PYGB: variants seen among roughly 807,000 people sequenced by gnomAD.
The protein encoded by PYGB is glycogen phosphorylase B.
A neutral mutation model predicts 94.3 loss-of-function variants in PYGB; 82 were observed. That is an observed-to-expected ratio of 0.87 (90% CI 0.73 to 1.04). The LOEUF (loss-of-function observed/expected upper bound fraction) is 1.04. Ranked by LOEUF, PYGB falls within the 50% of genes least tolerant of loss-of-function variation. PYGB has a pLI of 0.00. For synonymous variants in PYGB, 488 were observed against 479.1 expected (o/e 1.02, Z -0.24); for missense variants, 1,132 against 1,158.2 (o/e 0.98, Z 0.33).
Position 25,278,306 on chromosome 20 carries a change from C to G in PYGB, c.856-13C>G, listed in dbSNP as rs773709831. On this transcript the variant is annotated splice_polypyrimidine_tract_variant and intron_variant, in intron 7 of 19. Coordinates refer to ENST00000216962, the MANE Select transcript of PYGB (RefSeq NM_002862.4). ...CCCAGCCTGCACCCTCCAGCTTGCTCTGCTGTGTGCAGTTCTTTGAGGGGA... is the reference window on the plus strand; with the variant it reads ...CCCAGCCTGCACCCTCCAGCTTGCTGTGCTGTGTGCAGTTCTTTGAGGGGA... The G allele has an allele frequency of 7.1e-6, 9 of 1,263,272 alleles. 1 individual carries two copies. In the South Asian group the frequency reaches 1.2e-4, roughly 16 times the overall value. The allele number at this position is 1,263,272 out of a possible 1,614,324, so 78.3% of individuals were successfully genotyped here.
intron 1 of PYGB, among the ~76,000 whole-genome samples, chr20:25,254,470 G>C (rs2092897527): frequency 6.6e-6 from 1 of 152,116 alleles, no homozygotes; most frequent in Non-Finnish European, 1.5e-5. Context: ...ATGCAGAATG[G>C]CATTCTTAGG....
At chr20:25,262,036 C>T (rs1218684577) in intron 2 of PYGB, among the ~76,000 whole-genome samples, 2 of 152,128 alleles carry the variant, frequency 1.3e-5, no homozygotes, top group African/African-American at 4.8e-5. Context: ...GAGAATGGCA[C>T]CAAGTTGGAA....
At chr20:25,275,150 C>G (rs1053579187) in intron 5 of PYGB, among the ~76,000 whole-genome samples, 2 of 152,260 alleles carry the variant, frequency 1.3e-5, no homozygotes, top group Admixed American at 6.5e-5. Context: ...CTCGCTTGGC[C>G]TCCTGGCGCC....
At chr20:25,295,567 C>G in intron 18 of PYGB, 37 bp from the exon 19 acceptor site, 1 of 1,593,046 alleles carries the variant, frequency 6.3e-7, no homozygotes, top group Non-Finnish European at 8.6e-7. Flanking sequence ...GCAGGGCTCC[C>G]TGCTGCCCTG....
intron 14 of PYGB, among the ~76,000 whole-genome samples, chr20:25,286,648 G>A (rs777001523): frequency 3.9e-5 from 6 of 152,132 alleles, no homozygotes; most frequent in African/African-American, 9.6e-5. Context: ...CTGTGGCTGC[G>A]CCTCTGCTGT....
chr20:25,295,753 G>A, intron 19 of PYGB, 83 bp downstream of exon 19: 1 of 1,444,838 alleles, frequency 6.9e-7, no homozygotes, highest in South Asian at 1.1e-5. Context: ...TATTTCCCAA[G>A]CTGAGTAGAT....
chr20:25,290,758 G>A (rs546497031), intron 16 of PYGB, 136 bp downstream of exon 16: 15 of 1,295,202 alleles, frequency 1.2e-5, no homozygotes, highest in African/African-American at 2.9e-5. Flanking sequence ...GGCTGCAGGC[G>A]AGCAGGGAAC....
At chr20:25,288,717 C>A (rs907899115) in intron 15 of PYGB, 3 of 568,082 alleles carry the variant, frequency 5.3e-6, no homozygotes, top group Admixed American at 6.2e-5. Flanking sequence ...GAGGGCCAGT[C>A]CCCAGTGGGC....
At chr20:25,283,739 G>A (rs988409162) in intron 13 of PYGB, among the ~76,000 whole-genome samples, 8 of 152,188 alleles carry the variant, frequency 5.3e-5, no homozygotes, top group African/African-American at 1.4e-4. Context: ...ACAGCCTGTC[G>A]AGCTTGGCCT....
intron 15 of PYGB, chr20:25,289,992 T>TCTGAGTGAGGG (rs1253845557): frequency 1.9e-6 from 1 of 531,270 alleles, no homozygotes; most frequent in African/African-American, 1.9e-5. Context: ...TAAAAGTTGG[T>TCTGAGTGAGGG]CTGAGTGAGG....
chr20:25,289,321 T>TA (rs2088445158), intron 15 of PYGB, among the ~76,000 whole-genome samples: 1 of 152,352 alleles, frequency 6.6e-6, no homozygotes, highest in Admixed American at 6.5e-5. Context: ...TCCATAGAGA[T>TA]ACGGAGTTCG....
intron 2 of PYGB, among the ~76,000 whole-genome samples, chr20:25,265,966 G>C (rs943939515): frequency 6.6e-6 from 1 of 152,156 alleles, no homozygotes; most frequent in Middle Eastern, 3.4e-3. Flanking sequence ...TATGTGATTT[G>C]TGGATATTTT....
intron 6 of PYGB, 123 bp downstream of exon 6, chr20:25,276,880 G>A: frequency 1.2e-6 from 1 of 847,100 alleles, no homozygotes; most frequent in South Asian, 1.7e-5. Flanking sequence ...CCCTCCTCTA[G>A]GGTGTCCCTG....
chr20:25,249,064 C>T (rs1315354554), intron 1 of PYGB, among the ~76,000 whole-genome samples: 1 of 152,328 alleles, frequency 6.6e-6, no homozygotes, highest in Middle Eastern at 3.4e-3. Context: ...CAGAGATCAT[C>T]TTACTAATTG....
At position 25,274,729 on chromosome 20, in the gene PYGB, T is replaced by C; in HGVS notation, c.660+6T>C. 12 of 1,611,152 alleles carry C rather than the reference T, an allele frequency of 7.4e-6. No individual in the cohort carries two copies. Among genetic ancestry groups the C allele is most frequent in the Non-Finnish European group, 1.0e-5 (12 of 1,179,318 alleles). Reference sequence around the variant, plus strand: ...TGAAGTGGCTGGACACACAGGTACCTGGGCTGAAATGTCTGCGGGCAAGGC... The same window carrying C: ...TGAAGTGGCTGGACACACAGGTACCCGGGCTGAAATGTCTGCGGGCAAGGC... On this transcript the variant is annotated splice_donor_region_variant and intron_variant, in intron 5 of 19. Transcript: ENST00000216962.
At chr20:25,278,163 G>A (rs953896386) in intron 7 of PYGB, among the ~76,000 whole-genome samples, 156 bp from the exon 8 acceptor site, 3 of 152,224 alleles carry the variant, frequency 2.0e-5, no homozygotes, top group African/African-American at 7.2e-5. Flanking sequence ...CTTCCTCAGT[G>A]ACCTGAGGGC....
At chr20:25,277,176 C>T in intron 6 of PYGB, 68 bp from the exon 7 acceptor site, 2 of 1,274,364 alleles carry the variant, frequency 1.6e-6, no homozygotes, top group African/African-American at 1.5e-5. Flanking sequence ...TGCAAGTAGG[C>T]CCCTGAGCGG....
At position 25,281,070 on chromosome 20, in the gene PYGB, A is replaced by G. The variant is rs199856769; in HGVS notation, c.1361A>G (p.Asn454Ser). ...HLCVIGSHAV[N>S]GVARIHSEIV... ...TGTGTGATTGGGTCCCATGCTGTCAATGGTGTGGCGAGGATCCACTCGGAG... is the reference window on the plus strand; with the variant it reads ...TGTGTGATTGGGTCCCATGCTGTCAGTGGTGTGGCGAGGATCCACTCGGAG... The change falls in exon 11 of 20, where the codon AAT becomes AGT. Residue 454 changes from asparagine (N) to serine (S), a missense_variant. Coordinates refer to ENST00000216962, the MANE Select transcript of PYGB (RefSeq NM_002862.4). 32 of 1,614,158 alleles carry G rather than the reference A, an allele frequency of 2.0e-5. No homozygotes were observed. Among genetic ancestry groups the G allele is most frequent in the Non-Finnish European group, 2.4e-5 (28 of 1,180,016 alleles).
At chr20:25,295,088 C>T (rs1372913666) in intron 18 of PYGB, 1 of 1,540,848 alleles carries the variant, frequency 6.5e-7, no homozygotes, top group Non-Finnish European at 9.0e-7. Context: ...AAGTGTGCTT[C>T]TGACTCGATA....
Sources: gnomAD v4.1 joint callset for allele counts (sites outside exome capture counted in the v4.1 genomes callset) on GRCh38, gnomAD v4.1.1 for gene constraint, MANE v1.5 for transcripts, NCBI Gene and HGNC (gene_info 2026-07-23, HGNC 2026-07-21) for gene names.